Variants in CECR2 observed in about 807,000 individuals in gnomAD.
CECR2 encodes CECR2 histone acetyl-lysine reader.
Under a neutral mutation model 154.5 loss-of-function variants are expected in CECR2, and 30 were observed. That is an observed-to-expected ratio of 0.19 (90% CI 0.15 to 0.26). The LOEUF (loss-of-function observed/expected upper bound fraction) is 0.26, where lower values mean the gene tolerates loss of function less well. Ranked by LOEUF, CECR2 falls within the 10% of genes least tolerant of loss-of-function variation. The pLI, the probability that CECR2 is intolerant of heterozygous loss-of-function variation, is 1.00. For synonymous variants in CECR2, 725 were observed against 683.7 expected (o/e 1.06, Z -0.94); for missense variants, 1,743 against 1,829.3 (o/e 0.95, Z 0.86).
At chr22:17,540,088 C>T (rs1327325470) in intron 13 of CECR2, among the ~76,000 whole-genome samples, 1 of 152,194 alleles carries the variant, frequency 6.6e-6, no homozygotes, top group Non-Finnish European at 1.5e-5. Context: ...CTGCCTTGGC[C>T]TCCCAAAGTG....
chr22:17,373,747 A>G (rs936595204), intron 1 of CECR2, among the ~76,000 whole-genome samples: 2 of 152,156 alleles, frequency 1.3e-5, no homozygotes, highest in African/African-American at 2.4e-5. Flanking sequence ...TTAAGCCCCT[A>G]CTTTGTGCTT....
At chr22:17,437,207 C>A (rs1213592809) in intron 1 of CECR2, among the ~76,000 whole-genome samples, 1 of 152,114 alleles carries the variant, frequency 6.6e-6, no homozygotes, top group Non-Finnish European at 1.5e-5. Context: ...TCCCCTTCCC[C>A]CTTGGCCTCC....
Position 17,540,436 on chromosome 22 carries a change from TAGAG to T in CECR2, c.1523_1526del (p.Glu508GlyfsTer7), listed in dbSNP as rs1219869245. ...GAGTATACCAAGATGTCTGATAATT[TAGAG>T]AGGTGTTTCCATCGGGCAATGATGA... On this transcript the variant is annotated frameshift_variant, in exon 14 of 19. Coordinates refer to ENST00000262608, the MANE Select transcript of CECR2 (RefSeq NM_001290047.2). LOFTEE classifies it high-confidence loss of function. 6.4e-7 allele frequency: 1 copy of T among 1,560,920 alleles called. No individual in the cohort carries two copies. Among genetic ancestry groups the T allele is most frequent in the Non-Finnish European group, 8.7e-7 (1 of 1,152,396 alleles).
In CECR2 at chr22:17,548,998, C is replaced by T. The variant is rs1168673157; in HGVS notation, c.3711C>T (p.Phe1237=). 6.2e-7 allele frequency: 1 copy of T among 1,614,018 alleles called. No individual in the cohort carries two copies. The highest frequency in any genetic ancestry group is 8.5e-7 in the Non-Finnish European group (1 of 1,179,904). Residue 1237 remains phenylalanine, a synonymous_variant, in exon 17 of 19, where the codon TTC becomes TTT. Transcript: ENST00000262608. ...ASQPPPPRSL[F]SDKNAMASLQ... ...AGCCTCCCCCACCAAGGTCCCTCTT[C>T]TCAGATAAGAATGCCATGGCCAGTC...
At chr22:17,459,776 C>A (rs190079764) in intron 1 of CECR2, among the ~76,000 whole-genome samples, 3 of 152,334 alleles carry the variant, frequency 2.0e-5, no homozygotes, top group Non-Finnish European at 1.5e-5. Context: ...CTTTGAAAAT[C>A]TTCAACACAG....
At chr22:17,478,700 G>A (rs1216104624) in intron 2 of CECR2, among the ~76,000 whole-genome samples, 1 of 152,130 alleles carries the variant, frequency 6.6e-6, no homozygotes, top group African/African-American at 2.4e-5. Flanking sequence ...TGTTAGGGCT[G>A]GGAAACGATG....
chr22:17,417,847 C>T (rs562379939), intron 1 of CECR2, among the ~76,000 whole-genome samples: 1 of 152,202 alleles, frequency 6.6e-6, no homozygotes, highest in African/African-American at 2.4e-5. Flanking sequence ...TCCTGAACTC[C>T]TGACCTCAAG....
At chr22:17,382,381 T>C (rs2063208369) in intron 1 of CECR2, among the ~76,000 whole-genome samples, 2 of 152,118 alleles carry the variant, frequency 1.3e-5, no homozygotes, top group African/African-American at 4.8e-5. Flanking sequence ...TTTTGGTAGC[T>C]GGAATAGAAC....
intron 1 of CECR2, among the ~76,000 whole-genome samples, chr22:17,453,500 T>A (rs1164250749): frequency 6.6e-6 from 1 of 152,178 alleles, no homozygotes; most frequent in East Asian, 1.9e-4. Context: ...GAAAAATTAA[T>A]AAGTGTTGCC....
At chr22:17,402,634 C>A (rs2146537874) in intron 1 of CECR2, among the ~76,000 whole-genome samples, 1 of 152,270 alleles carries the variant, frequency 6.6e-6, no homozygotes, top group Non-Finnish European at 1.5e-5. Flanking sequence ...CTCTTATAAT[C>A]ATGGTAAATT....
intron 1 of CECR2, among the ~76,000 whole-genome samples, chr22:17,425,221 A>G (rs2054312764): frequency 6.6e-6 from 1 of 152,064 alleles, no homozygotes; most frequent in African/African-American, 2.4e-5. Context: ...TTCAGAGGTT[A>G]TAAATTGCAT....
chr22:17,431,695 GA>G (rs911771655), intron 1 of CECR2, among the ~76,000 whole-genome samples: 7 of 149,268 alleles, frequency 4.7e-5, no homozygotes, highest in African/African-American at 1.2e-4. Context: ...ACTTAAAATG[GA>G]AAAAAAAAGA....
chr22:17,541,183 G>A (rs191305348), intron 14 of CECR2, among the ~76,000 whole-genome samples: 63 of 152,272 alleles, frequency 4.1e-4, no homozygotes, highest in African/African-American at 7.9e-4. Context: ...CTGGCTGGGC[G>A]CAGTGGCCCA....
chr22:17,433,659 G>C (rs12160091), intron 1 of CECR2, among the ~76,000 whole-genome samples: 12,119 of 152,060 alleles, frequency 0.08, 1,033 homozygotes, highest in African/African-American at 0.22. Context: ...TTCCCCAGGG[G>C]TGGTCTTGAA....
chr22:17,371,241 G>A (rs2063057012), intron 1 of CECR2, among the ~76,000 whole-genome samples: 1 of 152,138 alleles, frequency 6.6e-6, no homozygotes, highest in Admixed American at 6.6e-5. Flanking sequence ...AAAAGGGTTG[G>A]GGATGGGAGA....
intron 1 of CECR2, among the ~76,000 whole-genome samples, chr22:17,371,259 G>A (rs1191566281): frequency 1.3e-5 from 2 of 152,124 alleles, no homozygotes; most frequent in South Asian, 2.1e-4. Context: ...AGAATGAAGA[G>A]GAATGTAGAC....
chr22:17,546,826 G>T (rs1425295083), intron 16 of CECR2, among the ~76,000 whole-genome samples: 1 of 151,908 alleles, frequency 6.6e-6, no homozygotes, highest in Non-Finnish European at 1.5e-5. Flanking sequence ...ATCACCTGAG[G>T]TCGGGAGTTT....
intron 1 of CECR2, among the ~76,000 whole-genome samples, chr22:17,382,701 T>C (rs1228831086): frequency 6.7e-6 from 1 of 150,344 alleles, no homozygotes; most frequent in Non-Finnish European, 1.5e-5. Flanking sequence ...GCCCAGGAGT[T>C]TGAGACCAGC....
Position 17,433,259 on chromosome 22 carries a change from G to A in CECR2, c.127-44329G>A, listed in dbSNP as rs556805714. ...ATGTAGTCTGTCTCAATAATAGTGT[G>A]TAGATTTTAAAGGAATGCTGTTAAT... On this transcript the variant is annotated intron_variant, in intron 1 of 18. Transcript: ENST00000262608. Among the ~76,000 whole-genome samples the A allele has an allele frequency of 3.3e-5, 5 of 152,306 alleles. No individual in the cohort carries two copies. In the East Asian group the frequency reaches 9.6e-4, roughly 29 times the overall value.
Sources: allele counts gnomAD v4.1 joint callset (sites outside exome capture counted in the v4.1 genomes callset), GRCh38; gene constraint gnomAD v4.1.1; transcripts MANE v1.5; gene names NCBI Gene and HGNC (gene_info 2026-07-23, HGNC 2026-07-21).